Variants in ZFP57 observed in about 807,000 individuals in gnomAD.
The protein encoded by ZFP57 is zinc finger protein 57 homolog.
Under a neutral mutation model 15.8 loss-of-function variants are expected in ZFP57, and 12 were observed. That is an observed-to-expected ratio of 0.76 (90% CI 0.49 to 1.23). The LOEUF is 1.23. Ranked by LOEUF, ZFP57 falls within the 50% of genes most tolerant of loss-of-function variation. The pLI, the probability that ZFP57 is intolerant of heterozygous loss-of-function variation, is 0.00. For synonymous variants in ZFP57, 203 were observed against 242.3 expected (o/e 0.84, Z 1.51); for missense variants, 536 against 654.9 (o/e 0.82, Z 1.98).
intron 1 of ZFP57, among the ~76,000 whole-genome samples, chr6:29,680,170 A>C (rs954679753): frequency 1.3e-5 from 2 of 152,144 alleles, no homozygotes; most frequent in Non-Finnish European, 2.9e-5. Flanking sequence ...GAGACTGGGC[A>C]TAACTCATCA....
chr6:29,677,396 G>C, intron 1 of ZFP57, 30 bp from the exon 2 acceptor site: 1 of 287,774 alleles, frequency 3.5e-6, no homozygotes, highest in Non-Finnish European at 6.8e-6. Flanking sequence ...AAACATATCA[G>C]CAAGAGGGAG....
chr6:29,674,623 A>G (rs1225908971), intron 4 of ZFP57, among the ~76,000 whole-genome samples: 1 of 152,212 alleles, frequency 6.6e-6, no homozygotes, highest in Non-Finnish European at 1.5e-5. Context: ...AGAAGTATAA[A>G]CCAGGACTGT....
In ZFP57 at chr6:29,672,791, G is replaced by T; in HGVS notation, c.1320C>A (p.Tyr440Ter). ...HQQTHWKQKS[Y>*]LCPICDLSFG... ...AGGAGAGGTCACAGATAGGGCAAAG[G>T]TAGCTCTTCTGCTTCCAGTGGGTCT... The change falls in exon 5 of 5, where the codon TAC (tyrosine) becomes TAA (stop). Residue 440 changes from tyrosine (Y) to a stop codon, truncating the protein, a stop_gained. Coordinates refer to ENST00000376883, the MANE Select transcript of ZFP57 (RefSeq NM_001109809.5). LOFTEE classifies it low-confidence loss of function (END_TRUNC). 1.2e-6 allele frequency: 2 copies of T among 1,613,074 alleles called. No individual in the cohort carries two copies. Among genetic ancestry groups the T allele is most frequent in the Non-Finnish European group, 1.7e-6 (2 of 1,180,032 alleles).
Position 29,672,484 on chromosome 6 carries a change from C to G in ZFP57, c.*16G>C. ...GAAAACTAAACACAAAGAAAGAGCT[C>G]AGTCAGAAAGGCCATTTATTTATGT... is the stretch of plus-strand genomic sequence containing the variant. On this transcript the variant is annotated 3_prime_UTR_variant, in exon 5 of 5. Coordinates refer to ENST00000376883, the MANE Select transcript of ZFP57 (RefSeq NM_001109809.5). The G allele has an allele frequency of 1.9e-6, 3 of 1,612,914 alleles. No homozygotes were observed. The highest frequency in any genetic ancestry group is 2.5e-6 in the Non-Finnish European group (3 of 1,180,004).
In ZFP57 at chr6:29,675,575, CTTTG is replaced by C. The variant is rs1295397569; in HGVS notation, c.251-92_251-89del. ...GGGACAACAGGCTACCTCCTGTAGC[CTTTG>C]TTTAAGAACCATAACCTGGGACATG... On this transcript the variant is annotated intron_variant, in intron 3 of 4. Coordinates refer to ENST00000376883, the MANE Select transcript of ZFP57 (RefSeq NM_001109809.5). The C allele has an allele frequency of 6.3e-6, 7 of 1,105,012 alleles. No individual in the cohort carries two copies. In the South Asian group the frequency reaches 7.4e-5, roughly 12 times the overall value. The allele number at this position is 1,105,012 out of a possible 1,614,324, so 68.5% of individuals were successfully genotyped here.
intron 2 of ZFP57, 103 bp from the exon 3 acceptor site, chr6:29,676,162 A>G: frequency 1.6e-6 from 2 of 1,216,890 alleles, no homozygotes; most frequent in Non-Finnish European, 2.3e-6. Flanking sequence ...TCAGAGAATT[A>G]AAACCTAAGA....
rs1772124211 is a variant in ZFP57 at position 29,677,282 on chromosome 6, C to A, written c.-279G>T. ...CCACCGAGTTCAGGGCCCTGGTCAC[C>A]CTTGGCTCACCAGCTGCCATTGTTT... On this transcript the variant is annotated 5_prime_UTR_variant, in exon 2 of 5. Transcript: ENST00000376883. The A allele has an allele frequency of 9.8e-6, 5 of 512,654 alleles. No homozygotes were observed. In the South Asian group the frequency reaches 1.1e-4, roughly 11 times the overall value. The allele number at this position is 512,654 out of a possible 1,614,324, so 31.8% of individuals were successfully genotyped here. A position where few individuals can be genotyped will look rare whatever the true frequency, so the allele number is the denominator to read the frequency against.
At position 29,673,683 on chromosome 6, in the gene ZFP57, A is replaced by C. The variant is rs1277703799; in HGVS notation, c.428T>G (p.Leu143Arg). ...GCACTGGCCGGCCCCTCTGCATGCAAGGAAGACCTTGTCATCACTAGTCCC... is the reference window on the plus strand; with the variant it reads ...GCACTGGCCGGCCCCTCTGCATGCACGGAAGACCTTGTCATCACTAGTCCC... ...DEGTSDDKVF[L>R]ACRGAGQCPL... Residue 143 changes from leucine (L) to arginine (R), a missense_variant, in exon 5 of 5, where the codon CTT (leucine) becomes CGT (arginine). By Grantham distance (102) the Leu-to-Arg change is moderately radical. Coordinates refer to ENST00000376883, the MANE Select transcript of ZFP57 (RefSeq NM_001109809.5). The surrounding 1 kb of genome is among the most constrained non-coding windows in gnomAD (Gnocchi z 4.7). 1.2e-6 allele frequency: 2 copies of C among 1,612,890 alleles called. No homozygotes were observed. Among genetic ancestry groups the C allele is most frequent in the Non-Finnish European group, 1.7e-6 (2 of 1,179,984 alleles).
chr6:29,673,739 A>G lies in ZFP57; in HGVS notation c.372T>C (p.Leu124=). 1 of 1,612,970 alleles carries G rather than the reference A, an allele frequency of 6.2e-7. No individual in the cohort carries two copies. Among genetic ancestry groups the G allele is most frequent in the Non-Finnish European group, 8.5e-7 (1 of 1,179,994 alleles). ...CTCTCAGACTGGGATGTTGTTCTCGAAGCTCTTTCTTCTTGCCTTCTACAG... is the reference window on the plus strand; with the variant it reads ...CTCTCAGACTGGGATGTTGTTCTCGGAGCTCTTTCTTCTTGCCTTCTACAG... ...EGLSEGKKKE[L]REQHPSLRDE... is the part of the protein sequence containing the mutation. Residue 124 remains leucine, a synonymous_variant, in exon 5 of 5, where the codon CTT becomes CTC. Transcript: ENST00000376883. The surrounding 1 kb of genome is among the most constrained non-coding windows in gnomAD (Gnocchi z 4.7).
At position 29,673,125 on chromosome 6, in the gene ZFP57, G is replaced by C; in HGVS notation, c.986C>G (p.Ser329Cys). Residue 329 changes from serine (S) to cysteine (C), a missense_variant, in exon 5 of 5, where the codon TCC becomes TGC. Ser to Cys is a moderately radical substitution (Grantham distance 112). Transcript: ENST00000376883. The surrounding 1 kb of genome is among the most constrained non-coding windows in gnomAD (Gnocchi z 4.7). Reference protein sequence around the residue: ...LDVNHAPVARSQEPIFRTEGP... With the variant: ...LDVNHAPVARCQEPIFRTEGP... Reference sequence around the variant, plus strand: ...CTCAGTTCTAAATATGGGTTCCTGGGACCTGGCCACTGGTGCATGGTTCAC... The same window carrying C: ...CTCAGTTCTAAATATGGGTTCCTGGCACCTGGCCACTGGTGCATGGTTCAC... 1.2e-6 allele frequency: 2 copies of C among 1,612,950 alleles called. No individual in the cohort carries two copies. Among genetic ancestry groups the C allele is most frequent in the Non-Finnish European group, 1.7e-6 (2 of 1,180,012 alleles).
At chr6:29,675,151 C>CG (rs1772002061) in intron 4 of ZFP57, among the ~76,000 whole-genome samples, 1 of 81,952 alleles carries the variant, frequency 1.2e-5, no homozygotes, top group Non-Finnish European at 2.2e-5. Flanking sequence ...GACTGTGTCT[C>CG]AAAAAAAAAA....
intron 1 of ZFP57, among the ~76,000 whole-genome samples, chr6:29,678,131 G>C (rs1266189254): frequency 6.6e-6 from 1 of 152,240 alleles, no homozygotes; most frequent in Non-Finnish European, 1.5e-5. Flanking sequence ...TTGAACCCTG[G>C]AGGTGGACGT....
chr6:29,677,125 A>G lies in ZFP57; in HGVS notation c.-122T>C. The G allele has an allele frequency of 2.1e-6, 3 of 1,437,602 alleles. No individual in the cohort carries two copies. In the South Asian group the frequency reaches 3.4e-5, roughly 16 times the overall value. The allele number at this position is 1,437,602 out of a possible 1,614,324, so 89.1% of individuals were successfully genotyped here. The stretch of plus-strand genomic sequence containing the variant: ...ACTGGGCAGATGGAGAGGCCCAGCA[A>G]AGGCCCCAGGGTTTGATGTGGCTTC... On this transcript the variant is annotated 5_prime_UTR_variant, in exon 2 of 5. Coordinates refer to ENST00000376883, the MANE Select transcript of ZFP57 (RefSeq NM_001109809.5).
In ZFP57 at chr6:29,673,300, G is replaced by T. The variant is rs1485817791; in HGVS notation, c.811C>A (p.Gln271Lys). ...CSVCGKSFRD[Q>K]SELKRHQKIH... ...TTCTGGTGGCGTTTGAGCTCAGACT[G>T]GTCCCGGAAGCTCTTCCCACACACA... is the stretch of plus-strand genomic sequence containing the variant. The change falls in exon 5 of 5, where the codon CAG becomes AAG. Residue 271 changes from glutamine to lysine, a missense_variant. Physicochemically the swap from Gln to Lys is moderately conservative, Grantham distance 53 (BLOSUM62 1). Coordinates refer to ENST00000376883, the MANE Select transcript of ZFP57 (RefSeq NM_001109809.5). This position sits in a 1 kb window ranked among gnomAD's most constrained non-coding sequence, Gnocchi z 4.7. 2.5e-6 allele frequency: 4 copies of T among 1,613,032 alleles called. No individual in the cohort carries two copies. The highest frequency in any genetic ancestry group is 1.1e-5 in the South Asian group (1 of 91,086).
chr6:29,678,670 G>T (rs1772189992), intron 1 of ZFP57, among the ~76,000 whole-genome samples: 1 of 145,318 alleles, frequency 6.9e-6, no homozygotes, highest in Admixed American at 7.0e-5. Flanking sequence ...ACTAGTTATT[G>T]TTGTCAATCT....
In ZFP57 at chr6:29,681,044, C is replaced by T. The variant is rs1458483671; in HGVS notation, c.-364+18G>A. 6.6e-6 allele frequency: 1 copy of T among 152,360 alleles called. No homozygotes were observed. Among genetic ancestry groups the T allele is most frequent in the Non-Finnish European group, 1.5e-5 (1 of 68,222 alleles). 9.4% of individuals were successfully genotyped at this position (152,360 alleles called of 1,614,324 possible). A position where few individuals can be genotyped will look rare whatever the true frequency, so the allele number is the denominator to read the frequency against. On this transcript the variant is annotated intron_variant, in intron 1 of 4. Coordinates refer to ENST00000376883, the MANE Select transcript of ZFP57 (RefSeq NM_001109809.5). ...CTCTACTACCGCTAGCGCGACTCCC[C>T]GCCGCCGCTCTACTCACCTGACGCG...
In ZFP57 at chr6:29,673,466, G is replaced by C. The variant is rs1389706595; in HGVS notation, c.645C>G (p.Pro215=). 1 of 1,613,086 alleles carries C rather than the reference G, an allele frequency of 6.2e-7. No homozygotes were observed. Among genetic ancestry groups the C allele is most frequent in the Non-Finnish European group, 8.5e-7 (1 of 1,180,042 alleles). Residue 215 remains proline (P), a synonymous_variant, in exon 5 of 5, where the codon CCC becomes CCG. Coordinates refer to ENST00000376883, the MANE Select transcript of ZFP57 (RefSeq NM_001109809.5). This position sits in a 1 kb window ranked among gnomAD's most constrained non-coding sequence, Gnocchi z 4.7. ...TGCGTCTGTGATAGCTGAGGGACTTGGGGCTCCGAAACAACTTCCCACACT... is the reference window on the plus strand; with the variant it reads ...TGCGTCTGTGATAGCTGAGGGACTTCGGGCTCCGAAACAACTTCCCACACT... ...CSQCGKLFRS[P]KSLSYHRRMH... is the part of the protein sequence containing the mutation.
Position 29,675,440 on chromosome 6 carries a change from C to T in ZFP57, c.298G>A (p.Glu100Lys). The T allele has an allele frequency of 2.5e-6, 4 of 1,614,132 alleles. No individual in the cohort carries two copies. The highest frequency in any genetic ancestry group is 3.4e-6 in the Non-Finnish European group (4 of 1,180,030). Residue 100 changes from glutamate (E) to lysine (K), a missense_variant, in exon 4 of 5, where the codon GAA (glutamate) becomes AAA (lysine). Transcript: ENST00000376883. ...KPELITKLEQEEEQWREFVHL... is the reference protein window; with the variant it reads ...KPELITKLEQKEEQWREFVHL... ...ACAAACTCTCTCCACTGTTCCTCTT[C>T]TTGCTCAAGCTTGGTGATTAGCTCT...
chr6:29,675,026 G>A (rs1771994711), intron 4 of ZFP57, among the ~76,000 whole-genome samples: 1 of 152,030 alleles, frequency 6.6e-6, no homozygotes, highest in Non-Finnish European at 1.5e-5. Flanking sequence ...GGTGGCACAT[G>A]CCTGTAGTCC....
Sources: allele counts gnomAD v4.1 joint callset (sites outside exome capture counted in the v4.1 genomes callset), GRCh38; gene constraint gnomAD v4.1.1; non-coding constraint Gnocchi (gnomAD v3.1); transcripts MANE v1.5; gene names NCBI Gene and HGNC (gene_info 2026-07-23, HGNC 2026-07-21).